SF3B6: variants seen among roughly 807,000 people sequenced by gnomAD.
SF3B6 encodes the protein splicing factor 3b subunit 6, also known as SF3b 14 kDa subunit.
Under a neutral mutation model 15.9 loss-of-function variants are expected in SF3B6, and 3 were observed. The ratio of observed to expected loss-of-function variants is 0.19; its 90% CI spans 0.09 to 0.49. SF3B6 has a LOEUF of 0.49. SF3B6 is among the 20% of genes least tolerant of loss of function. The probability of loss-of-function intolerance (pLI) is 0.97; values close to 1 mark genes in which losing one functional copy is unlikely to be tolerated. For missense variants in SF3B6, 71 were observed against 154.3 expected (o/e 0.46, Z 2.86); for synonymous variants, 49 against 51.1 (o/e 0.96, Z 0.18).
intron 2 of SF3B6, chr2:24,073,546 G>A (rs116325000): frequency 0.036 from 5,509 of 152,314 alleles, 145 homozygotes; most frequent in Non-Finnish European, 0.053. Flanking sequence ...AAATTAAAAC[G>A]TGAATGCTTG....
At chr2:24,070,327 A>G (rs1664634436) in intron 2 of SF3B6, among the ~76,000 whole-genome samples, 1 of 152,340 alleles carries the variant, frequency 6.6e-6, no homozygotes, top group South Asian at 2.1e-4. Flanking sequence ...TATTTTTAGT[A>G]GAGATGGGGT....
Position 24,074,076 on chromosome 2 carries a change from A to G in SF3B6, c.149T>C (p.Val50Ala), listed in dbSNP as rs1664695814. ...CTTTAAATGACTCAGTAAGACTCAC[A>G]CTCTGATTTGACGAATAGGTCCATA... is the stretch of plus-strand genomic sequence containing the variant. Reference protein sequence around the residue: ...GKYGPIRQIRVGNTPETRGTA... With the variant: ...GKYGPIRQIRAGNTPETRGTA... The change falls in exon 2 of 4, where the codon GTG (valine) becomes GCG (alanine). Residue 50 changes from valine to alanine, a missense_variant and splice_region_variant. Val to Ala is a moderately conservative substitution (Grantham distance 64). This residue lies in a region of SF3B6 where 52 missense variants were observed against 113.2 expected (regional missense o/e 0.46). Coordinates refer to ENST00000233468, the MANE Select transcript of SF3B6 (RefSeq NM_016047.4). 6.6e-7 allele frequency: 1 copy of G among 1,516,938 alleles called. No homozygotes were observed. The highest frequency in any genetic ancestry group is 9.1e-7 in the Non-Finnish European group (1 of 1,095,068). 94.0% of individuals were successfully genotyped at this position (1,516,938 alleles called of 1,614,324 possible).
chr2:24,068,007 G>A (rs529065919), intron 3 of SF3B6, among the ~76,000 whole-genome samples, 156 bp from the exon 4 acceptor site: 53 of 152,182 alleles, frequency 3.5e-4, no homozygotes, highest in Non-Finnish European at 6.3e-4. Context: ...CTGTTGCCCA[G>A]GCTGGAGTGC....
At position 24,076,297 on chromosome 2, in the gene SF3B6, G is replaced by T; in HGVS notation, c.-68C>A. On this transcript the variant is annotated 5_prime_UTR_variant, in exon 1 of 4. Transcript: ENST00000233468. ...CTCCGGAGCTCGCTCGGCTTCGGGG[G>T]TTACACCGCGTTAGATGCAGGACAT... 6.3e-7 allele frequency: 1 copy of T among 1,581,088 alleles called. No individual in the cohort carries two copies. Among genetic ancestry groups the T allele is most frequent in the Non-Finnish European group, 8.7e-7 (1 of 1,149,952 alleles).
At chr2:24,076,073 T>C (rs1664740802) in intron 1 of SF3B6, 127 bp downstream of exon 1, 1 of 1,235,484 alleles carries the variant, frequency 8.1e-7, no homozygotes, top group South Asian at 1.2e-5. Context: ...GTGTCTTCGC[T>C]GACAGGATAG....
At chr2:24,073,396 A>C (rs777616877) in intron 2 of SF3B6, among the ~76,000 whole-genome samples, 8 of 152,204 alleles carry the variant, frequency 5.3e-5, no homozygotes, top group Non-Finnish European at 8.8e-5. Context: ...TTTTACCACT[A>C]AGCACTGTAA....
At chr2:24,074,915 G>C (rs929030986) in intron 1 of SF3B6, among the ~76,000 whole-genome samples, 2 of 152,112 alleles carry the variant, frequency 1.3e-5, no homozygotes, top group Admixed American at 6.6e-5. Flanking sequence ...GATCACTTGA[G>C]GTCAGGAGTT....
chr2:24,074,874 A>G (rs987189611), intron 1 of SF3B6, among the ~76,000 whole-genome samples: 4 of 152,116 alleles, frequency 2.6e-5, no homozygotes, highest in African/African-American at 9.7e-5. Context: ...CATGCCTGTA[A>G]TCCCAGCGTT....
chr2:24,068,729 C>T (rs1296512620), intron 2 of SF3B6, among the ~76,000 whole-genome samples: 1 of 152,216 alleles, frequency 6.6e-6, no homozygotes, highest in Non-Finnish European at 1.5e-5. Context: ...CTGACTGTCA[C>T]ATCAGGAATA....
intron 1 of SF3B6, among the ~76,000 whole-genome samples, chr2:24,074,911 T>C (rs1203083155): frequency 6.6e-6 from 1 of 152,104 alleles, no homozygotes; most frequent in Non-Finnish European, 1.5e-5. Flanking sequence ...GGTGGATCAC[T>C]TGAGGTCAGG....
intron 2 of SF3B6, among the ~76,000 whole-genome samples, chr2:24,071,944 T>C (rs1230808195): frequency 6.6e-6 from 1 of 152,186 alleles, no homozygotes; most frequent in Non-Finnish European, 1.5e-5. Flanking sequence ...TATAATGCCC[T>C]AGTAAACCAA....
intron 2 of SF3B6, among the ~76,000 whole-genome samples, chr2:24,072,928 C>G (rs1048409806): frequency 6.6e-6 from 1 of 152,228 alleles, no homozygotes; most frequent in African/African-American, 2.4e-5. Context: ...GTTTCTTGAC[C>G]TAGAGTCCAT....
At chr2:24,070,574 G>A (rs1664637807) in intron 2 of SF3B6, among the ~76,000 whole-genome samples, 1 of 152,184 alleles carries the variant, frequency 6.6e-6, no homozygotes, top group South Asian at 2.1e-4. Context: ...GAGGTAACAA[G>A]TATCAAAGAG....
chr2:24,071,318 G>A (rs993421810), intron 2 of SF3B6, among the ~76,000 whole-genome samples: 14 of 152,322 alleles, frequency 9.2e-5, no homozygotes, highest in African/African-American at 3.4e-4. Context: ...CTTAAGAAAT[G>A]TTTCGGCTTG....
rs1664747667 is a variant in SF3B6 at position 24,076,286 on chromosome 2, C to T, written c.-57G>A. ...TACTGAAATTCCTCCGGAGCTCGCT[C>T]GGCTTCGGGGGTTACACCGCGTTAG... On this transcript the variant is annotated 5_prime_UTR_variant, in exon 1 of 4. Coordinates refer to ENST00000233468, the MANE Select transcript of SF3B6 (RefSeq NM_016047.4). 6.2e-7 allele frequency: 1 copy of T among 1,607,566 alleles called. No homozygotes were observed. Among genetic ancestry groups the T allele is most frequent in the Admixed American group, 1.7e-5 (1 of 60,020 alleles).
chr2:24,072,426 G>A (rs1016273869), intron 2 of SF3B6, among the ~76,000 whole-genome samples: 4 of 152,172 alleles, frequency 2.6e-5, no homozygotes, highest in Non-Finnish European at 5.9e-5. Flanking sequence ...GGTGACAGAT[G>A]AATATAGAGA....
At chr2:24,069,091 C>A (rs1664610001) in intron 2 of SF3B6, among the ~76,000 whole-genome samples, 1 of 152,202 alleles carries the variant, frequency 6.6e-6, no homozygotes, top group Non-Finnish European at 1.5e-5. Flanking sequence ...AAGTGATCCG[C>A]CTGCCTCAGC....
chr2:24,071,810 G>A (rs1664654865), intron 2 of SF3B6, among the ~76,000 whole-genome samples: 2 of 152,156 alleles, frequency 1.3e-5, no homozygotes, highest in Admixed American at 1.3e-4. Flanking sequence ...AAGGTTCTGA[G>A]CTGCTCTGCA....
rs1217838657 is a variant in SF3B6, at chr2:24,067,745, G to A, written c.*17C>T. 6.3e-7 allele frequency: 1 copy of A among 1,598,316 alleles called. No homozygotes were observed. Among genetic ancestry groups the A allele is most frequent in the African/African-American group, 1.3e-5 (1 of 74,644 alleles). On this transcript the variant is annotated 3_prime_UTR_variant, in exon 4 of 4. Transcript: ENST00000233468. Reference sequence around the variant, plus strand: ...GTCATTCGTGGGATTTAGTCCAAATGAAAATGTAGAAAACATTTATTTTGG... The same window carrying A: ...GTCATTCGTGGGATTTAGTCCAAATAAAAATGTAGAAAACATTTATTTTGG...
Sources: gnomAD v4.1 joint callset for allele counts (sites outside exome capture counted in the v4.1 genomes callset) on GRCh38, gnomAD v4.1.1 for gene constraint, gnomAD v4.1.1 regional missense constraint, MANE v1.5 for transcripts, NCBI Gene and HGNC (gene_info 2026-07-23, HGNC 2026-07-21) for gene names.